Variants in CARNMT1 observed in about 807,000 individuals in gnomAD.
CARNMT1 encodes protein-L-histidine N-pros-methyltransferase CARNMT1.
In CARNMT1, 28 loss-of-function variants were observed where a neutral mutation model predicts 49.6. The observed-to-expected ratio is 0.56, with a 90% CI of 0.42 to 0.77. CARNMT1 has a LOEUF of 0.77. CARNMT1 is among the 30% of genes least tolerant of loss of function. CARNMT1 has a pLI of 0.00. For missense variants in CARNMT1, 421 were observed against 512.6 expected (o/e 0.82, Z 1.73); for synonymous variants, 178 against 175.0 (o/e 1.02, Z -0.13).
intron 5 of CARNMT1, among the ~76,000 whole-genome samples, chr9:74,997,194 C>T (rs1309659465): frequency 6.6e-6 from 1 of 152,114 alleles, no homozygotes; most frequent in Non-Finnish European, 1.5e-5. Flanking sequence ...TTCTCTCAAA[C>T]CTTGCTCCAG....
intron 1 of CARNMT1, among the ~76,000 whole-genome samples, chr9:75,017,906 T>C (rs1307457061): frequency 6.6e-6 from 1 of 152,158 alleles, no homozygotes; most frequent in Non-Finnish European, 1.5e-5. Flanking sequence ...AGATCTTATA[T>C]ACTACAAATT....
chr9:74,984,354 T>C (rs1289222718), intron 7 of CARNMT1, among the ~76,000 whole-genome samples: 2 of 152,162 alleles, frequency 1.3e-5, no homozygotes, highest in Non-Finnish European at 2.9e-5. Context: ...GTCTGTAAGA[T>C]CAGTATTATA....
At chr9:75,016,474 C>A (rs1043682312) in intron 2 of CARNMT1, 43 bp from the exon 3 acceptor site, 2 of 1,590,810 alleles carry the variant, frequency 1.3e-6, no homozygotes, top group African/African-American at 2.7e-5. Flanking sequence ...AGAGAGTAAT[C>A]CACTTATATT....
rs1832739247 is a variant in CARNMT1 at position 74,983,479 on chromosome 9, T to C, written c.*288A>G. The C allele has an allele frequency of 8.3e-6, 2 of 240,368 alleles. No individual in the cohort carries two copies. Among genetic ancestry groups the C allele is most frequent in the Non-Finnish European group, 1.6e-5 (2 of 124,910 alleles). 14.9% of individuals were successfully genotyped at this position (240,368 alleles called of 1,614,324 possible). A position where few individuals can be genotyped will look rare whatever the true frequency, so the allele number is the denominator to read the frequency against. ...ACAGCATCATGAAGACACTGGAGAT[T>C]AGGTTTTTTTCCTACTGAAACACAA... is the stretch of plus-strand genomic sequence containing the variant. On this transcript the variant is annotated 3_prime_UTR_variant, in exon 8 of 8. Transcript: ENST00000376834.
At chr9:74,984,880 T>G (rs1832784601) in intron 7 of CARNMT1, 27 bp downstream of exon 7, 1 of 1,480,816 alleles carries the variant, frequency 6.8e-7, no homozygotes, top group South Asian at 1.1e-5. Flanking sequence ...GGAGTTAAAC[T>G]TTGGCAATAT....
At chr9:75,000,006 A>G (rs1238297217) in intron 3 of CARNMT1, 136 bp from the exon 4 acceptor site, 2 of 658,694 alleles carry the variant, frequency 3.0e-6, no homozygotes, top group African/African-American at 1.8e-5. Flanking sequence ...CAATCAAGAA[A>G]TACTTCTAAA....
chr9:75,008,335 A>G (rs1176714959), intron 3 of CARNMT1, among the ~76,000 whole-genome samples: 1 of 152,172 alleles, frequency 6.6e-6, no homozygotes, highest in Non-Finnish European at 1.5e-5. Context: ...AAATCTTTAT[A>G]AATTTTTTTT....
At position 74,998,777 on chromosome 9, in the gene CARNMT1, C is replaced by A; in HGVS notation, c.732-1G>T. On this transcript the variant is annotated splice_acceptor_variant, in intron 4 of 7. Transcript: ENST00000376834. LOFTEE classifies it high-confidence loss of function. ...TTTATATTTATTAATTTCAGAACATCTGCAAAATATGAGTATAAAATCAGG... is the reference window on the plus strand; with the variant it reads ...TTTATATTTATTAATTTCAGAACATATGCAAAATATGAGTATAAAATCAGG... The A allele has an allele frequency of 6.7e-7, 1 of 1,497,506 alleles. No homozygotes were observed. The highest frequency in any genetic ancestry group is 9.0e-7 in the Non-Finnish European group (1 of 1,114,796). The allele number at this position is 1,497,506 out of a possible 1,614,324, so 92.8% of individuals were successfully genotyped here.
At chr9:75,011,106 C>T (rs1460824730) in intron 3 of CARNMT1, among the ~76,000 whole-genome samples, 1 of 151,772 alleles carries the variant, frequency 6.6e-6, no homozygotes. Flanking sequence ...AAGACTATGC[C>T]AACATATAAT....
Position 75,028,205 on chromosome 9 carries a change from G to C in CARNMT1, c.37C>G (p.Arg13Gly), listed in dbSNP as rs781692062. The C allele has an allele frequency of 6.9e-7, 1 of 1,457,506 alleles. No individual in the cohort carries two copies. Among genetic ancestry groups the C allele is most frequent in the Non-Finnish European group, 9.0e-7 (1 of 1,106,150 alleles). The allele number at this position is 1,457,506 out of a possible 1,614,324, so 90.3% of individuals were successfully genotyped here. Reference sequence around the variant, plus strand: ...CCTCCCCCGCAGCCCTCGGGCAGCCGGGAGGTGGGCGGCGGAGGGCGACGC... The same window carrying C: ...CCTCCCCCGCAGCCCTCGGGCAGCCCGGAGGTGGGCGGCGGAGGGCGACGC... ...RRRRPPPPTS[R>G]LPEGCGGGGG... Residue 13 changes from arginine (R) to glycine (G), a missense_variant, in exon 1 of 8, where the codon CGG (arginine) becomes GGG (glycine). By Grantham distance (125) the Arg-to-Gly change is moderately radical (BLOSUM62 -2). Transcript: ENST00000376834.
intron 6 of CARNMT1, among the ~76,000 whole-genome samples, chr9:74,988,555 G>A (rs1338073736): frequency 2.6e-5 from 4 of 152,250 alleles, no homozygotes; most frequent in African/African-American, 7.2e-5. Context: ...AGTTCTTGCT[G>A]AGTATGTCTG....
Position 75,018,529 on chromosome 9 carries a change from G to A in CARNMT1, c.231-1081C>T, listed in dbSNP as rs145070808. 1.7e-3 allele frequency among the ~76,000 whole-genome samples: 263 copies of A among 152,218 alleles called. 4 individuals are homozygous for A. In the Middle Eastern group the frequency reaches 0.024, roughly 14 times the overall value. On this transcript the variant is annotated intron_variant, in intron 1 of 7. Coordinates refer to ENST00000376834, the MANE Select transcript of CARNMT1 (RefSeq NM_152420.3). ...ACTAATGGTAAGTGCATACATCAGCGCAACCACTTTGGAAAATTAAATTTA... is the reference window on the plus strand; with the variant it reads ...ACTAATGGTAAGTGCATACATCAGCACAACCACTTTGGAAAATTAAATTTA...
intron 3 of CARNMT1, among the ~76,000 whole-genome samples, chr9:75,012,520 C>G (rs948083963): frequency 6.6e-5 from 10 of 152,162 alleles, no homozygotes; most frequent in Middle Eastern, 3.4e-3. Context: ...CTCTTGACCT[C>G]AAGTGATCCA....
At chr9:74,993,559 A>T (rs1012953318) in intron 6 of CARNMT1, among the ~76,000 whole-genome samples, 1 of 152,170 alleles carries the variant, frequency 6.6e-6, no homozygotes, top group African/African-American at 2.4e-5. Context: ...TAAGGAAATT[A>T]CTACAGTAAT....
chr9:75,012,284 GT>G (rs869040579), intron 3 of CARNMT1, among the ~76,000 whole-genome samples: 14,421 of 133,922 alleles, frequency 0.11, 632 homozygotes, highest in Middle Eastern at 0.14. Flanking sequence ...CAAGTTTTTG[GT>G]TTTTTTTTTT....
chr9:75,015,255 C>T (rs989342574), intron 3 of CARNMT1, among the ~76,000 whole-genome samples: 4 of 152,132 alleles, frequency 2.6e-5, no homozygotes, highest in Non-Finnish European at 4.4e-5. Context: ...GACTTTATCA[C>T]GAAGAGAAAT....
chr9:75,028,418 G>T (rs950848524), upstream of CARNMT1: 4 of 1,288,198 alleles, frequency 3.1e-6, no homozygotes, highest in Non-Finnish European at 3.9e-6. Flanking sequence ...AGGTCTTCAG[G>T]GCTCCCAGAA....
At chr9:75,003,417 C>T (rs1339048628) in intron 3 of CARNMT1, among the ~76,000 whole-genome samples, 1 of 152,260 alleles carries the variant, frequency 6.6e-6, no homozygotes, top group African/African-American at 2.4e-5. Flanking sequence ...TGAAGTTTTA[C>T]TAAAACGCAG....
At chr9:75,018,255 G>T (rs1342481090) in intron 1 of CARNMT1, among the ~76,000 whole-genome samples, 1 of 151,958 alleles carries the variant, frequency 6.6e-6, no homozygotes, top group Non-Finnish European at 1.5e-5. Flanking sequence ...TGTAGAGATG[G>T]GTTTCATCAT....
Sources: allele counts gnomAD v4.1 joint callset (sites outside exome capture counted in the v4.1 genomes callset), GRCh38; gene constraint gnomAD v4.1.1; transcripts MANE v1.5; gene names NCBI Gene and HGNC (gene_info 2026-07-23, HGNC 2026-07-21).